The following RPS6KC1 variants were observed in gnomAD, a reference collection of about 807,000 sequenced individuals.
RPS6KC1 encodes ribosomal protein S6 kinase C1.
RPS6KC1 carries 54 observed loss-of-function variants against 103.8 expected under a neutral mutation model. That is an observed-to-expected ratio of 0.52 (90% confidence interval 0.42 to 0.65). The LOEUF is 0.65. Ranked by LOEUF, RPS6KC1 falls within the 30% of genes least tolerant of loss-of-function variation. The probability of loss-of-function intolerance (pLI) is 0.00; values close to 1 mark genes in which losing one functional copy is unlikely to be tolerated. For synonymous variants in RPS6KC1, 439 were observed against 438.7 expected (o/e 1.00, Z -0.01); for missense variants, 1,151 against 1,253.8 (o/e 0.92, Z 1.24).
the RPS6KC1 span, among the ~76,000 whole-genome samples, chr1:213,454,787 G>A: frequency 2.7e-5 from 4 of 149,074 alleles, no homozygotes; most frequent in Non-Finnish European, 4.4e-5. Context: ...CTTTAGAGGC[G>A]TGCCCTCTGG....
chr1:213,302,031 C>T, the RPS6KC1 span, among the ~76,000 whole-genome samples: 9 of 152,012 alleles, frequency 5.9e-5, no homozygotes, highest in Non-Finnish European at 1.3e-4. Context: ...CCACTGTGCC[C>T]GGCCAAGACC....
chr1:213,303,105 G>A, the RPS6KC1 span, among the ~76,000 whole-genome samples: 67 of 152,278 alleles, frequency 4.4e-4, no homozygotes, highest in African/African-American at 1.6e-3. Flanking sequence ...TGTGAGTGCC[G>A]TGGCAGCGTC....
chr1:213,329,022 G>T, the RPS6KC1 span, among the ~76,000 whole-genome samples: 1 of 152,100 alleles, frequency 6.6e-6, no homozygotes, highest in Non-Finnish European at 1.5e-5. Flanking sequence ...GCGTGGTGCT[G>T]GTGGTACCTT....
At chr1:213,730,009 G>A in the RPS6KC1 span, among the ~76,000 whole-genome samples, 1 of 152,206 alleles carries the variant, frequency 6.6e-6, no homozygotes, top group South Asian at 2.1e-4. Context: ...CCACTTATAA[G>A]TGAGAGAATG....
At chr1:213,624,614 T>G in the RPS6KC1 span, among the ~76,000 whole-genome samples, 1 of 152,118 alleles carries the variant, frequency 6.6e-6, no homozygotes, top group Non-Finnish European at 1.5e-5. Context: ...TGGTCAGGCC[T>G]GGGCTGGGGA....
chr1:213,360,491 G>A, the RPS6KC1 span, among the ~76,000 whole-genome samples: 2 of 152,200 alleles, frequency 1.3e-5, no homozygotes, highest in Admixed American at 1.3e-4. Flanking sequence ...ACTTCTTTGC[G>A]ATGGGTTCGA....
chr1:213,176,628 CAA>C (rs1171712475), intron 8 of RPS6KC1, 136 bp downstream of exon 8: 11 of 506,366 alleles, frequency 2.2e-5, no homozygotes, highest in Non-Finnish European at 3.5e-6. Context: ...TTTACAATAA[CAA>C]AAGCAAAAGA....
intron 1 of RPS6KC1, among the ~76,000 whole-genome samples, chr1:213,056,459 CTA>C (rs1327783683): frequency 5.3e-5 from 8 of 152,126 alleles, no homozygotes; most frequent in Non-Finnish European, 8.8e-5. Context: ...ATGGGGACAC[CTA>C]TGTGTCCCCA....
At chr1:213,167,439 A>AACACACAC (rs199762137) in intron 6 of RPS6KC1, among the ~76,000 whole-genome samples, 1,954 of 75,944 alleles carry the variant, frequency 0.026, 32 homozygotes, top group Admixed American at 0.056. Context: ...CAAGGTTGAA[A>AACACACAC]ACACACACAC....
the RPS6KC1 span, among the ~76,000 whole-genome samples, chr1:213,541,543 G>C: frequency 1.5e-4 from 23 of 151,942 alleles, no homozygotes; most frequent in Non-Finnish European, 3.2e-4. Flanking sequence ...AATAAAAGAG[G>C]TATTCCTGTA....
At chr1:213,283,782 G>C in the RPS6KC1 span, among the ~76,000 whole-genome samples, 3 of 152,256 alleles carry the variant, frequency 2.0e-5, no homozygotes, top group East Asian at 5.8e-4. Flanking sequence ...CCAGAGCAAA[G>C]GAAGGGAAGA....
the RPS6KC1 span, among the ~76,000 whole-genome samples, chr1:213,664,178 T>C: frequency 1.9e-5 from 1 of 53,098 alleles, no homozygotes; most frequent in Non-Finnish European, 3.4e-5. Context: ...GAGGAGAAGG[T>C]AGAAAGAAAT....
the RPS6KC1 span, among the ~76,000 whole-genome samples, chr1:213,609,828 G>A: frequency 1.2e-3 from 173 of 149,722 alleles, 1 homozygote; most frequent in Non-Finnish European, 1.8e-3. Context: ...AAATTACAAG[G>A]ATGGATCCAT....
At chr1:213,701,377 C>A in the RPS6KC1 span, among the ~76,000 whole-genome samples, 2 of 152,064 alleles carry the variant, frequency 1.3e-5, no homozygotes, top group African/African-American at 4.8e-5. Flanking sequence ...ATATGATGAA[C>A]CATCCTTGCA....
chr1:213,446,274 A>G, the RPS6KC1 span, among the ~76,000 whole-genome samples: 2 of 152,182 alleles, frequency 1.3e-5, no homozygotes, highest in African/African-American at 4.8e-5. Context: ...CCCACACCCC[A>G]GATTTCTCTT....
intron 7 of RPS6KC1, among the ~76,000 whole-genome samples, chr1:213,168,685 C>G (rs1411121471): frequency 6.6e-6 from 1 of 151,930 alleles, no homozygotes; most frequent in Admixed American, 6.6e-5. Flanking sequence ...TGCAGTGGCA[C>G]GATCTAGGCT....
At chr1:213,121,919 C>T (rs1459593188) in intron 5 of RPS6KC1, among the ~76,000 whole-genome samples, 6 of 151,886 alleles carry the variant, frequency 4.0e-5, no homozygotes, top group South Asian at 4.2e-4. Context: ...CAAAATCTAC[C>T]CCCACCTTTT....
the RPS6KC1 span, among the ~76,000 whole-genome samples, chr1:213,443,715 C>T: frequency 6.6e-6 from 1 of 151,898 alleles, no homozygotes; most frequent in Non-Finnish European, 1.5e-5. Flanking sequence ...TAGGAGTTTG[C>T]AACCAGCCTG....
At chr1:213,208,321 A>G (rs934645256) in intron 8 of RPS6KC1, among the ~76,000 whole-genome samples, 20 of 152,118 alleles carry the variant, frequency 1.3e-4, no homozygotes, top group Admixed American at 1.2e-3. Flanking sequence ...TATTCTGGGA[A>G]TCTCTTCACC....
Sources: allele counts gnomAD v4.1 joint callset (sites outside exome capture counted in the v4.1 genomes callset), GRCh38; gene constraint gnomAD v4.1.1; transcripts MANE v1.5; gene names NCBI Gene and HGNC (gene_info 2026-07-23, HGNC 2026-07-21).